Variants in B3GAT2 observed in about 807,000 individuals in gnomAD.
B3GAT2 encodes the protein beta-1,3-glucuronyltransferase 2.
In B3GAT2, 26 loss-of-function variants were observed where a neutral mutation model predicts 27.8. The observed-to-expected ratio is 0.93, with a 90% confidence interval of 0.68 to 1.30. The LOEUF (loss-of-function observed/expected upper bound fraction) is 1.30. B3GAT2 is among the 50% of genes most tolerant of loss of function. The pLI is 0.00. For missense variants in B3GAT2, 458 were observed against 459.0 expected, an observed-to-expected ratio of 1.00 and a Z score of 0.02; for synonymous variants, 218 against 195.1, an observed-to-expected ratio of 1.12 and a Z score of -0.98.
In B3GAT2 at chr6:70,861,702, C is replaced by G; in HGVS notation, c.933G>C (p.Glu311Asp). Residue 311 changes from glutamate (E) to aspartate (D), a missense_variant, in exon 4 of 4, where the codon GAG becomes GAC. Physicochemically the swap from Glu to Asp is conservative, Grantham distance 45. Coordinates refer to ENST00000230053, the MANE Select transcript of B3GAT2 (RefSeq NM_080742.3). ...TCACTGTGTCCAGGTGGTACTTTGG[C>G]TCGTTGGCTAGATTAACCTTCTCTG... ...TRTEKVNLAN[E>D]PKYHLDTVKI... 1 of 1,614,110 alleles carries G rather than the reference C, an allele frequency of 6.2e-7. No individual in the cohort carries two copies.
chr6:70,875,028 C>T (rs1021202746), intron 2 of B3GAT2, among the ~76,000 whole-genome samples: 1 of 151,748 alleles, frequency 6.6e-6, no homozygotes, highest in African/African-American at 2.4e-5. Flanking sequence ...CAAAACTCCC[C>T]AGATTCTTGC....
At chr6:70,910,604 T>C (rs1297355660) in intron 1 of B3GAT2, among the ~76,000 whole-genome samples, 1 of 152,248 alleles carries the variant, frequency 6.6e-6, no homozygotes, top group African/African-American at 2.4e-5. Context: ...GTTCCATGTC[T>C]TTCCTACTGT....
intron 2 of B3GAT2, among the ~76,000 whole-genome samples, chr6:70,875,259 A>T (rs1771997305): frequency 6.6e-6 from 1 of 152,154 alleles, no homozygotes; most frequent in African/African-American, 2.4e-5. Flanking sequence ...AAAACAGAAA[A>T]CTGCTACTTA....
chr6:70,865,195 C>T (rs951764917), intron 2 of B3GAT2, among the ~76,000 whole-genome samples: 4 of 152,182 alleles, frequency 2.6e-5, no homozygotes, highest in African/African-American at 9.7e-5. Flanking sequence ...GGCACAATCT[C>T]GGCTCACTGC....
intron 2 of B3GAT2, among the ~76,000 whole-genome samples, chr6:70,872,906 G>C (rs1224078504): frequency 6.6e-6 from 1 of 151,872 alleles, no homozygotes; most frequent in Non-Finnish European, 1.5e-5. Flanking sequence ...TAACAGTTTA[G>C]TTCAGATTAA....
At chr6:70,864,856 C>T (rs1464710780) in intron 2 of B3GAT2, among the ~76,000 whole-genome samples, 3 of 151,838 alleles carry the variant, frequency 2.0e-5, no homozygotes, top group Non-Finnish European at 2.9e-5. Flanking sequence ...TAGTGAGATT[C>T]GTTATCTTTA....
chr6:70,944,854 A>T (rs1214949330), intron 1 of B3GAT2, among the ~76,000 whole-genome samples: 2 of 152,256 alleles, frequency 1.3e-5, no homozygotes, highest in South Asian at 4.2e-4. Context: ...TCACACGGCC[A>T]GGTACTCCTC....
At chr6:70,940,898 C>G (rs1188722333) in intron 1 of B3GAT2, among the ~76,000 whole-genome samples, 1 of 152,122 alleles carries the variant, frequency 6.6e-6, no homozygotes, top group Non-Finnish European at 1.5e-5. Context: ...CTCCTCTGAG[C>G]TACATGTAAG....
At chr6:70,909,168 A>G (rs989688002) in intron 1 of B3GAT2, among the ~76,000 whole-genome samples, 1 of 152,106 alleles carries the variant, frequency 6.6e-6, no homozygotes, top group Non-Finnish European at 1.5e-5. Context: ...ACACACACAC[A>G]TGCTAGGGCT....
intron 2 of B3GAT2, among the ~76,000 whole-genome samples, chr6:70,876,188 T>C (rs1038600645): frequency 6.6e-6 from 1 of 152,114 alleles, no homozygotes; most frequent in African/African-American, 2.4e-5. Flanking sequence ...GCCACTCTAG[T>C]CCAACCCAGA....
intron 1 of B3GAT2, among the ~76,000 whole-genome samples, chr6:70,913,769 C>T (rs1045900597): frequency 1.3e-5 from 2 of 152,110 alleles, no homozygotes; most frequent in African/African-American, 4.8e-5. Context: ...AGTGTTCTGC[C>T]TTGATGATTG....
At chr6:70,870,189 C>T (rs1179689779) in intron 2 of B3GAT2, among the ~76,000 whole-genome samples, 2 of 151,946 alleles carry the variant, frequency 1.3e-5, no homozygotes, top group East Asian at 3.9e-4. Flanking sequence ...GGCACATATA[C>T]ACCATGGAAT....
At chr6:70,951,986 A>C (rs7765509) in intron 1 of B3GAT2, among the ~76,000 whole-genome samples, 2 of 152,064 alleles carry the variant, frequency 1.3e-5, no homozygotes, top group South Asian at 2.1e-4. Context: ...AGGAAACATA[A>C]ATAGAAGTAC....
intron 1 of B3GAT2, among the ~76,000 whole-genome samples, chr6:70,925,440 C>T (rs910495694): frequency 6.6e-6 from 1 of 152,226 alleles, no homozygotes; most frequent in Admixed American, 6.5e-5. Context: ...TCGGGACACT[C>T]CCGCCCTAAT....
intron 1 of B3GAT2, among the ~76,000 whole-genome samples, chr6:70,936,496 G>A (rs1444139503): frequency 6.6e-6 from 1 of 151,940 alleles, no homozygotes; most frequent in Non-Finnish European, 1.5e-5. Context: ...TGACCACATA[G>A]TTGGAAGTAA....
At chr6:70,945,666 G>T (rs140917383) in intron 1 of B3GAT2, among the ~76,000 whole-genome samples, 7 of 148,618 alleles carry the variant, frequency 4.7e-5, no homozygotes, top group African/African-American at 1.0e-4. Flanking sequence ...TTATCCAGGA[G>T]AATTTCCCCA....
At chr6:70,950,909 T>C (rs1765569557) in intron 1 of B3GAT2, among the ~76,000 whole-genome samples, 1 of 152,212 alleles carries the variant, frequency 6.6e-6, no homozygotes, top group African/African-American at 2.4e-5. Flanking sequence ...TAACATTTAT[T>C]TAAAATTGTA....
chr6:70,938,823 C>G (rs1162330381), intron 1 of B3GAT2, among the ~76,000 whole-genome samples: 2 of 151,886 alleles, frequency 1.3e-5, no homozygotes, highest in African/African-American at 4.8e-5. Context: ...CATTACCATT[C>G]AGGACATAGG....
At chr6:70,946,605 G>C (rs1166808295) in intron 1 of B3GAT2, among the ~76,000 whole-genome samples, 1 of 152,102 alleles carries the variant, frequency 6.6e-6, no homozygotes, top group Non-Finnish European at 1.5e-5. Flanking sequence ...CCTACAAAGA[G>C]ACTTGGACTC....
Sources: gnomAD v4.1 joint callset for allele counts (sites outside exome capture counted in the v4.1 genomes callset) on GRCh38, gnomAD v4.1.1 for gene constraint, MANE v1.5 for transcripts, NCBI Gene and HGNC (gene_info 2026-07-23, HGNC 2026-07-21) for gene names.